The following FBXO36 variants were observed in gnomAD, a reference collection of about 807,000 sequenced individuals.
FBXO36 encodes F-box only protein 36.
Under a neutral mutation model 17.0 loss-of-function variants are expected in FBXO36, and 18 were observed. That is an observed-to-expected ratio of 1.06 (90% CI 0.73 to 1.57). The LOEUF (loss-of-function observed/expected upper bound fraction) is 1.57. Ranked by LOEUF, FBXO36 falls within the 40% of genes most tolerant of loss-of-function variation. FBXO36 has a pLI of 0.00. For synonymous variants in FBXO36, 83 were observed against 85.3 expected (o/e 0.97, Z 0.15); for missense variants, 229 against 221.9 (o/e 1.03, Z -0.20).
chr2:229,997,577 CA>C (rs34921072), intron 3 of FBXO36, among the ~76,000 whole-genome samples: 5,452 of 94,384 alleles, frequency 0.058, 289 homozygotes, highest in African/African-American at 0.18. Context: ...GACTCTGACT[CA>C]AAAAAAAAAA....
chr2:229,963,206 C>T (rs1329284792), intron 1 of FBXO36, among the ~76,000 whole-genome samples: 2 of 151,830 alleles, frequency 1.3e-5, no homozygotes, highest in Admixed American at 1.3e-4. Flanking sequence ...ACTGGGATTA[C>T]AGGCACCTGC....
intron 1 of FBXO36, among the ~76,000 whole-genome samples, chr2:229,963,902 C>G (rs1381537282): frequency 6.6e-6 from 1 of 152,184 alleles, no homozygotes; most frequent in African/African-American, 2.4e-5. Flanking sequence ...CCTGTTTCCC[C>G]AGATCCTTAC....
At chr2:229,965,630 T>A (rs1269361117) in intron 1 of FBXO36, among the ~76,000 whole-genome samples, 1 of 150,870 alleles carries the variant, frequency 6.6e-6, no homozygotes, top group Non-Finnish European at 1.5e-5. Context: ...CGGTGTTTGG[T>A]TTTTTTGTCC....
intron 1 of FBXO36, among the ~76,000 whole-genome samples, chr2:229,966,473 G>A (rs1195383127): frequency 6.6e-5 from 10 of 152,144 alleles, no homozygotes; most frequent in Non-Finnish European, 1.5e-4. Flanking sequence ...GTCCTGAAAT[G>A]GTATTGCCTA....
At chr2:229,952,986 G>A (rs2077064925) in intron 1 of FBXO36, among the ~76,000 whole-genome samples, 1 of 152,180 alleles carries the variant, frequency 6.6e-6, no homozygotes, top group Non-Finnish European at 1.5e-5. Flanking sequence ...TTGGGATGGA[G>A]AGAGATGTTT....
rs1027285421 is a variant in FBXO36 at position 230,013,030 on chromosome 2, A to T, written c.*2146A>T. The stretch of plus-strand genomic sequence containing the variant: ...TATAAAAATAAATGCTAAAGTAAAT[A>T]AAAAAAGAGCCATTAATATGTTAAC... On this transcript the variant is annotated 3_prime_UTR_variant, in exon 4 of 4. Transcript: ENST00000283946. The T allele has an allele frequency of 1.6e-4, 24 of 151,130 alleles. 1 individual carries two copies. The highest frequency in any genetic ancestry group is 3.6e-4 in the African/African-American group (15 of 41,100). 9.4% of individuals were successfully genotyped at this position (151,130 alleles called of 1,614,324 possible). A position where few individuals can be genotyped will look rare whatever the true frequency, so the allele number is the denominator to read the frequency against.
At chr2:229,937,631 T>C (rs2076971092) in intron 1 of FBXO36, among the ~76,000 whole-genome samples, 1 of 152,208 alleles carries the variant, frequency 6.6e-6, no homozygotes, top group East Asian at 1.9e-4. Flanking sequence ...CTCTCCCTGC[T>C]TCAGCAGTGT....
rs1033384470 is a variant in FBXO36, at chr2:229,996,848, G to T, written c.303G>T (p.Leu101Phe). 5 of 1,614,066 alleles carry T rather than the reference G, an allele frequency of 3.1e-6. No homozygotes were observed. The highest frequency in any genetic ancestry group is 2.5e-6 in the Non-Finnish European group (3 of 1,180,014). The change falls in exon 3 of 4, where the codon TTG (leucine) becomes TTT (phenylalanine). Residue 101 changes from leucine to phenylalanine, a missense_variant. By Grantham distance (22) the Leu-to-Phe change is conservative. Transcript: ENST00000283946. ...TCCTTGAACGGCTCTCAGACGATTTGCTCCTGACTATCATTTCTTATCTGG... is the reference window on the plus strand; with the variant it reads ...TCCTTGAACGGCTCTCAGACGATTTTCTCCTGACTATCATTTCTTATCTGG... ...FDFLERLSDD[L>F]LLTIISYLDL...
chr2:229,966,902 T>G (rs1391551878), intron 1 of FBXO36, among the ~76,000 whole-genome samples: 1 of 152,228 alleles, frequency 6.6e-6, no homozygotes, highest in Non-Finnish European at 1.5e-5. Flanking sequence ...AAGTAGTTTT[T>G]TCCAATTCTG....
intron 1 of FBXO36, among the ~76,000 whole-genome samples, chr2:229,972,485 G>A (rs2077185834): frequency 6.6e-6 from 1 of 152,014 alleles, no homozygotes; most frequent in East Asian, 1.9e-4. Flanking sequence ...TGGCTTTTGG[G>A]GCTGAATTTA....
chr2:229,990,507 A>G (rs530049871), intron 2 of FBXO36, among the ~76,000 whole-genome samples: 6 of 152,084 alleles, frequency 3.9e-5, no homozygotes, highest in Non-Finnish European at 8.8e-5. Context: ...ATGGTTATCT[A>G]AAAAAATACG....
At chr2:229,953,371 T>C (rs2106174358) in intron 1 of FBXO36, among the ~76,000 whole-genome samples, 1 of 151,052 alleles carries the variant, frequency 6.6e-6, no homozygotes, top group African/African-American at 2.4e-5. Flanking sequence ...TAAAATAATA[T>C]TCAGTTAGAA....
chr2:229,945,293 T>A (rs537343419), intron 1 of FBXO36, among the ~76,000 whole-genome samples: 16 of 150,958 alleles, frequency 1.1e-4, no homozygotes, highest in African/African-American at 3.7e-4. Flanking sequence ...CATGAATTTC[T>A]GTTTTTTTGT....
rs184476983 is a variant in FBXO36, at chr2:229,940,091, A to T, written c.96+17482A>T. Among the ~76,000 whole-genome samples the T allele has an allele frequency of 1.9e-3, 275 of 144,578 alleles. 4 individuals are homozygous for T. In the East Asian group the frequency reaches 0.043, roughly 23 times the overall value. 94.8% of individuals were successfully genotyped at this position (144,578 alleles called of 152,430 possible). A position where few individuals can be genotyped will look rare whatever the true frequency, so the allele number is the denominator to read the frequency against. On this transcript the variant is annotated intron_variant, in intron 1 of 3. Coordinates refer to ENST00000283946, the MANE Select transcript of FBXO36 (RefSeq NM_174899.5). ...GTGAGACCCTGTCTCAAAAAAATAT[A>T]AAAAAAAAAAGGCTAAGAAGCCATT...
At chr2:229,963,108 C>G (rs1177284808) in intron 1 of FBXO36, among the ~76,000 whole-genome samples, 1 of 151,952 alleles carries the variant, frequency 6.6e-6, no homozygotes, top group Non-Finnish European at 1.5e-5. Context: ...CCCTGTCGCC[C>G]AGGCTGGAGT....
At chr2:230,009,040 C>T (rs1424488289) in intron 3 of FBXO36, among the ~76,000 whole-genome samples, 1 of 152,160 alleles carries the variant, frequency 6.6e-6, no homozygotes. Flanking sequence ...TCATTCTCTT[C>T]CCTTATTGGA....
rs142397506 is a variant in FBXO36, at chr2:229,943,952, G to T, written c.96+21343G>T. Among the ~76,000 whole-genome samples, 908 of 152,206 alleles carry T rather than the reference G, an allele frequency of 6.0e-3. 6 individuals carry two copies. Among genetic ancestry groups the T allele is most frequent in the African/African-American group, 0.021 (853 of 41,524 alleles). ...TCTTGCTGTTGTTGTGATAGTGAGT[G>T]AGTTCTCATGAGATCTGGTTGTTTA... On this transcript the variant is annotated intron_variant, in intron 1 of 3. Transcript: ENST00000283946.
chr2:229,949,162 C>T (rs929493550), intron 1 of FBXO36, among the ~76,000 whole-genome samples: 2 of 152,084 alleles, frequency 1.3e-5, no homozygotes, highest in South Asian at 4.1e-4. Context: ...TACATAAATG[C>T]CTGTCTGTAT....
intron 1 of FBXO36, among the ~76,000 whole-genome samples, chr2:229,954,798 C>G (rs1214927201): frequency 2.0e-5 from 3 of 151,412 alleles, no homozygotes; most frequent in African/African-American, 7.3e-5. Flanking sequence ...CCGCCTGCCT[C>G]GGCCTCCTAA....
Sources: allele counts gnomAD v4.1 joint callset (sites outside exome capture counted in the v4.1 genomes callset), GRCh38; gene constraint gnomAD v4.1.1; transcripts MANE v1.5; gene names NCBI Gene and HGNC (gene_info 2026-07-23, HGNC 2026-07-21).